Variants in CGN observed in about 807,000 individuals in gnomAD.
CGN encodes cingulin.
A neutral mutation model predicts 157.1 loss-of-function variants in CGN; 121 were observed. That is an observed-to-expected ratio of 0.77 (90% CI 0.66 to 0.90). The LOEUF (loss-of-function observed/expected upper bound fraction) is 0.90, where lower values mean the gene tolerates loss of function less well. CGN is among the 40% of genes least tolerant of loss of function. The pLI is 0.00. For synonymous variants in CGN, 535 were observed against 607.5 expected (o/e 0.88, Z 1.76); for missense variants, 1,424 against 1,520.9 (o/e 0.94, Z 1.06).
rs542116907 is a variant in CGN at position 151,527,317 on chromosome 1, C to G, written c.1896+210C>G. 4.6e-5 allele frequency among the ~76,000 whole-genome samples: 7 copies of G among 152,240 alleles called. No homozygotes were observed. In the East Asian group the frequency reaches 1.3e-3, roughly 29 times the overall value. ...TTCTAATGGAAAGTGCTCTCAGAACCCAGGTTGGGGTATAGCCAGAGGCTG... is the reference window on the plus strand; with the variant it reads ...TTCTAATGGAAAGTGCTCTCAGAACGCAGGTTGGGGTATAGCCAGAGGCTG... On this transcript the variant is annotated intron_variant, in intron 10 of 20. Transcript: ENST00000271636.
intron 5 of CGN, 98 bp from the exon 6 acceptor site, chr1:151,523,336 G>A: frequency 1.7e-6 from 2 of 1,148,122 alleles, no homozygotes; most frequent in Non-Finnish European, 2.5e-6. Context: ...CTATCATACA[G>A]CAAGTGTCCA....
In CGN at chr1:151,532,486, G is replaced by T; in HGVS notation, c.2656G>T (p.Glu886Ter). 1.2e-6 allele frequency: 2 copies of T among 1,610,538 alleles called. No homozygotes were observed. The highest frequency in any genetic ancestry group is 8.5e-7 in the Non-Finnish European group (1 of 1,178,950). ...LEDYKEKARR[E>*]VADAQRQAKD... ...GGATTATAAGGAAAAGGCCCGGCGG[G>T]AGGTGGCAGATGCCCAGCGCCAGGC... is the stretch of plus-strand genomic sequence containing the variant. Residue 886 changes from glutamate to a stop codon, truncating the protein, a stop_gained, in exon 14 of 21, where the codon GAG becomes TAG. Transcript: ENST00000271636. LOFTEE classifies it high-confidence loss of function.
chr1:151,537,765 C>G lies in CGN; in HGVS notation c.*419C>G, dbSNP rs41272471. The G allele has an allele frequency of 6.3e-6, 1 of 158,902 alleles. No homozygotes were observed. Among genetic ancestry groups the G allele is most frequent in the Non-Finnish European group, 1.4e-5 (1 of 71,728 alleles). The allele number at this position is 158,902 out of a possible 1,614,324, so 9.8% of individuals were successfully genotyped here. A position where few individuals can be genotyped will look rare whatever the true frequency, so the allele number is the denominator to read the frequency against. On this transcript the variant is annotated 3_prime_UTR_variant, in exon 21 of 21. Coordinates refer to ENST00000271636, the MANE Select transcript of CGN (RefSeq NM_020770.3). ...TCCCTGGATTCCTGCAACTCATTTT[C>G]CTTCCACTCTGGAGCAGGGTGAGGG... is the stretch of plus-strand genomic sequence containing the variant.
intron 18 of CGN, 127 bp from the exon 19 acceptor site, chr1:151,536,110 C>T: frequency 1.3e-6 from 1 of 751,408 alleles, no homozygotes; most frequent in Non-Finnish European, 2.4e-6. Context: ...TTTGAATCTG[C>T]CCTGGATCCT....
intron 15 of CGN, 116 bp from the exon 16 acceptor site, chr1:151,534,926 C>A: frequency 1.4e-6 from 1 of 724,906 alleles, no homozygotes; most frequent in Non-Finnish European, 2.4e-6. Context: ...CAAAAGGTTA[C>A]TGGGATGTGC....
At position 151,535,794 on chromosome 1, in the gene CGN, G is replaced by A; in HGVS notation, c.3093G>A (p.Lys1031=). 6.2e-7 allele frequency: 1 copy of A among 1,614,116 alleles called. No individual in the cohort carries two copies. The highest frequency in any genetic ancestry group is 1.1e-5 in the South Asian group (1 of 91,086). The change falls in exon 18 of 21, where the codon AAG becomes AAA. Residue 1031 remains lysine, a synonymous_variant. Transcript: ENST00000271636. ...ISLERQNKDL[K]TRLASSEGFQ... is the part of the protein sequence containing the mutation. ...GTCCCTCTCAGAACAAGGACCTGAA[G>A]ACCCGGTTGGCCAGCTCAGAAGGCT...
intron 2 of CGN, 85 bp from the exon 3 acceptor site, chr1:151,520,081 A>C: frequency 9.8e-7 from 1 of 1,020,968 alleles, no homozygotes. Flanking sequence ...CTTCTCCTCC[A>C]TCTGAACCCC....
In CGN at chr1:151,535,073, A is replaced by G. The variant is rs991200795; in HGVS notation, c.2936A>G (p.Asp979Gly). The change falls in exon 16 of 21, where the codon GAT (aspartate) becomes GGT (glycine). Residue 979 changes from aspartate (D) to glycine (G), a missense_variant. By Grantham distance (94) the Asp-to-Gly change is moderately conservative. Around this residue, in one of 3 missense-constraint regions of CGN, gnomAD observed 199 missense variants for 272.2 expected, o/e 0.73. Transcript: ENST00000271636. ...EKVSRLETELDEEKNTVELLT... is the reference protein window; with the variant it reads ...EKVSRLETELGEEKNTVELLT... ...GTCTCACGGCTGGAAACAGAGTTAG[A>G]TGAGGAGAAGAACACCGTGGAGCTG... 2 of 1,614,122 alleles carry G rather than the reference A, an allele frequency of 1.2e-6. No homozygotes were observed. The highest frequency in any genetic ancestry group is 3.3e-5 in the Admixed American group (2 of 60,008).
chr1:151,536,543 A>G (rs1384359868), intron 19 of CGN, among the ~76,000 whole-genome samples, 187 bp from the exon 20 acceptor site: 1 of 152,232 alleles, frequency 6.6e-6, no homozygotes. Flanking sequence ...ATGATGTGCT[A>G]GGTTCTGTAA....
rs752997841 is a variant in CGN, at chr1:151,529,918, G to A, written c.2116G>A (p.Val706Met). The change falls in exon 12 of 21, where the codon GTG becomes ATG. Residue 706 changes from valine to methionine, a missense_variant. By Grantham distance (21) the Val-to-Met change is conservative. Transcript: ENST00000271636. ...DCEEASKAKM[V>M]AEAEATVLGQ... The stretch of plus-strand genomic sequence containing the variant: ...CCTGAACCGTCCTTAGGCTAAGATG[G>A]TGGCCGAGGCAGAGGCAACAGTGCT... 1 of 1,613,658 alleles carries A rather than the reference G, an allele frequency of 6.2e-7. No homozygotes were observed. Among genetic ancestry groups the A allele is most frequent in the East Asian group, 2.2e-5 (1 of 44,882 alleles).
At chr1:151,522,662 C>T (rs1399209861) in intron 5 of CGN, among the ~76,000 whole-genome samples, 7 of 151,154 alleles carry the variant, frequency 4.6e-5, no homozygotes, top group South Asian at 2.1e-4. Flanking sequence ...AAAACCAGGC[C>T]GGGCGCTGTG....
At chr1:151,522,211 A>G (rs1664558504) in intron 5 of CGN, among the ~76,000 whole-genome samples, 1 of 151,986 alleles carries the variant, frequency 6.6e-6, no homozygotes, top group African/African-American at 2.4e-5. Flanking sequence ...TTAAGACTGC[A>G]GTGAGCTGTG....
Position 151,525,661 on chromosome 1 carries a change from C to T in CGN, c.1634C>T (p.Ala545Val). 1 of 1,605,706 alleles carries T rather than the reference C, an allele frequency of 6.2e-7. No homozygotes were observed. Among genetic ancestry groups the T allele is most frequent in the Non-Finnish European group, 8.5e-7 (1 of 1,175,968 alleles). The change falls in exon 9 of 21, where the codon GCC becomes GTC. Residue 545 changes from alanine to valine, a missense_variant. By Grantham distance (64) the Ala-to-Val change is moderately conservative (BLOSUM62 0). Around this residue, in one of 3 missense-constraint regions of CGN, gnomAD observed 1,187 missense variants for 1,217.6 expected, o/e 0.97. Coordinates refer to ENST00000271636, the MANE Select transcript of CGN (RefSeq NM_020770.3). ...CTCTAGGACCATGCAGTGCTGGAGG[C>T]CGAGAGGCAGAAGATGTCAGCCCTT... is the stretch of plus-strand genomic sequence containing the variant. The part of the protein sequence containing the change: ...DATQDHAVLE[A>V]ERQKMSALVR...
Position 151,527,113 on chromosome 1 carries a change from T to G in CGN, c.1896+6T>G. On this transcript the variant is annotated splice_donor_region_variant and intron_variant, in intron 10 of 20. Coordinates refer to ENST00000271636, the MANE Select transcript of CGN (RefSeq NM_020770.3). ...AGGTTGAGGTGCTCAAGAAGGTATT[T>G]GGGAATTGGGGGGCAGAATGGTAGG... is the stretch of plus-strand genomic sequence containing the variant. 6.2e-7 allele frequency: 1 copy of G among 1,613,916 alleles called. No individual in the cohort carries two copies.
chr1:151,532,651 A>C, intron 14 of CGN, 79 bp downstream of exon 14: 1 of 1,156,332 alleles, frequency 8.6e-7, no homozygotes, highest in Non-Finnish European at 1.1e-6. Context: ...ACAGAGTCTC[A>C]CTCTGTCGCC....
upstream of CGN, among the ~76,000 whole-genome samples, chr1:151,510,321 G>A (rs1394417105): frequency 6.6e-6 from 1 of 152,206 alleles, no homozygotes; most frequent in Non-Finnish European, 1.5e-5. Context: ...AATAGATACA[G>A]GGTAAATATT....
intron 19 of CGN, 76 bp downstream of exon 19, chr1:151,536,421 G>A (rs571891585): frequency 1.2e-6 from 1 of 842,118 alleles, no homozygotes; most frequent in Admixed American, 1.9e-5. Context: ...GCCAAGGGAG[G>A]CCCTTATCTC....
Position 151,536,846 on chromosome 1 carries a change from C to G in CGN, c.3423C>G (p.Val1141=). 1 of 1,614,130 alleles carries G rather than the reference C, an allele frequency of 6.2e-7. No individual in the cohort carries two copies. The highest frequency in any genetic ancestry group is 8.5e-7 in the Non-Finnish European group (1 of 1,180,034). The change falls in exon 20 of 21, where the codon GTC becomes GTG. Residue 1141 remains valine (V), a synonymous_variant. Coordinates refer to ENST00000271636, the MANE Select transcript of CGN (RefSeq NM_020770.3). ...GTGAGGTGGAGGAGCAGCATGAGGTCAATGAACAGCTCCAGGCCCGGATCA... is the reference window on the plus strand; with the variant it reads ...GTGAGGTGGAGGAGCAGCATGAGGTGAATGAACAGCTCCAGGCCCGGATCA... The part of the protein sequence containing the change: ...AQREVEEQHE[V]NEQLQARIKS...
chr1:151,534,861 C>T, intron 15 of CGN, 181 bp from the exon 16 acceptor site: 2 of 590,060 alleles, frequency 3.4e-6, no homozygotes, highest in Non-Finnish European at 6.0e-6. Flanking sequence ...CATGATGCCA[C>T]ATCTGGTCAG....
Sources: gnomAD v4.1 joint callset for allele counts (sites outside exome capture counted in the v4.1 genomes callset) on GRCh38, gnomAD v4.1.1 for gene constraint, gnomAD v4.1.1 regional missense constraint, MANE v1.5 for transcripts, NCBI Gene and HGNC (gene_info 2026-07-23, HGNC 2026-07-21) for gene names.